Variants in CDKL2 observed in about 807,000 individuals in gnomAD.
CDKL2 encodes the protein cyclin dependent kinase like 2, also known as cyclin-dependent kinase-like 2.
A neutral mutation model predicts 63.9 loss-of-function variants in CDKL2; 64 were observed. The ratio of observed to expected loss-of-function variants is 1.00; its 90% CI spans 0.82 to 1.23. The LOEUF (loss-of-function observed/expected upper bound fraction) is 1.23. CDKL2 is among the 50% of genes most tolerant of loss of function. The probability of loss-of-function intolerance (pLI) is 0.00; values close to 1 mark genes in which losing one functional copy is unlikely to be tolerated. For missense variants in CDKL2, 656 were observed against 668.0 expected (o/e 0.98, Z 0.20); for synonymous variants, 211 against 229.2 (o/e 0.92, Z 0.72).
chr4:75,597,257 T>G, intron 8 of CDKL2, 21 bp from the exon 9 acceptor site: 1 of 1,432,976 alleles, frequency 7.0e-7, no homozygotes, highest in South Asian at 1.2e-5. Flanking sequence ...ACAAAAATAT[T>G]AATAAGGTTA....
In CDKL2 at chr4:75,597,236, C is replaced by A. The variant is rs750082504; in HGVS notation, c.1021G>T (p.Asp341Tyr). The change falls in exon 9 of 14, where the codon GAT (aspartate) becomes TAT (tyrosine). Residue 341 changes from aspartate to tyrosine, a missense_variant and splice_region_variant. Physicochemically the swap from Asp to Tyr is radical, Grantham distance 160 (BLOSUM62 -3). Coordinates refer to ENST00000307465, the MANE Select transcript of CDKL2 (RefSeq NM_001330724.2). ...VEERKTLVVQ[D>Y]TNADPKIKDY... ...TTAATTTTGGGATCAGCATTGGTATCCTGATCATTAACAAAAATATTAATA... is the reference window on the plus strand; with the variant it reads ...TTAATTTTGGGATCAGCATTGGTATACTGATCATTAACAAAAATATTAATA... 1.9e-6 allele frequency: 3 copies of A among 1,560,994 alleles called. No individual in the cohort carries two copies. The highest frequency in any genetic ancestry group is 2.6e-6 in the Non-Finnish European group (3 of 1,139,670).
chr4:75,624,069 T>A (rs969623477), intron 2 of CDKL2, among the ~76,000 whole-genome samples: 1 of 149,954 alleles, frequency 6.7e-6, no homozygotes, highest in African/African-American at 2.5e-5. Context: ...AGGCAGAGGT[T>A]GCAGTGAGCC....
In CDKL2 at chr4:75,605,247, G is replaced by T. The variant is rs146989385; in HGVS notation, c.655+275C>A. The stretch of plus-strand genomic sequence containing the variant: ...ACATGCCTGTAATCCCAGCTACTCG[G>T]GAGGCTGAGGCAGGAGAATCGCTTG... On this transcript the variant is annotated intron_variant, in intron 5 of 13. Coordinates refer to ENST00000307465, the MANE Select transcript of CDKL2 (RefSeq NM_001330724.2). Among the ~76,000 whole-genome samples the T allele has an allele frequency of 3.8e-3, 581 of 152,116 alleles. 4 individuals are homozygous for T. Among genetic ancestry groups the T allele is most frequent in the African/African-American group, 0.013 (544 of 41,470 alleles).
chr4:75,600,541 C>G (rs1344895519), intron 6 of CDKL2, among the ~76,000 whole-genome samples, 172 bp from the exon 7 acceptor site: 1 of 152,028 alleles, frequency 6.6e-6, no homozygotes, highest in East Asian at 1.9e-4. Context: ...TAACCGCAGC[C>G]TTGACCTCTC....
At chr4:75,598,356 C>A (rs1454371380) in intron 7 of CDKL2, 144 bp from the exon 8 acceptor site, 3 of 456,834 alleles carry the variant, frequency 6.6e-6, no homozygotes, top group African/African-American at 2.1e-5. Flanking sequence ...CCTAGATCAG[C>A]AGTTTGGAAA....
chr4:75,605,083 G>A (rs1234109853), intron 5 of CDKL2, among the ~76,000 whole-genome samples: 1 of 152,238 alleles, frequency 6.6e-6, no homozygotes, highest in African/African-American at 2.4e-5. Context: ...GCTGGGCGCG[G>A]TGGCTCACGC....
intron 6 of CDKL2, among the ~76,000 whole-genome samples, chr4:75,602,041 C>T (rs1275983851): frequency 6.6e-6 from 1 of 152,176 alleles, no homozygotes; most frequent in Non-Finnish European, 1.5e-5. Flanking sequence ...CTAACATCTT[C>T]CTTAATCAAA....
rs1196283884 is a variant in CDKL2, at chr4:75,607,322, A to G, written c.403T>C (p.Ser135Pro). 1 of 1,614,018 alleles carries G rather than the reference A, an allele frequency of 6.2e-7. No individual in the cohort carries two copies. The highest frequency in any genetic ancestry group is 1.7e-5 in the Admixed American group (1 of 60,026). ...RDIKPENILV[S>P]QSGVVKLCDF... Reference sequence around the variant, plus strand: ...CATAGCTTGACAACGCCAGACTGGGAGACTAATATATTCTCTGGCTTTATA... The same window carrying G: ...CATAGCTTGACAACGCCAGACTGGGGGACTAATATATTCTCTGGCTTTATA... Residue 135 changes from serine to proline, a missense_variant, in exon 4 of 14, where the codon TCC (serine) becomes CCC (proline). Physicochemically the swap from Ser to Pro is moderately conservative, Grantham distance 74 (BLOSUM62 -1). Coordinates refer to ENST00000307465, the MANE Select transcript of CDKL2 (RefSeq NM_001330724.2).
intron 2 of CDKL2, among the ~76,000 whole-genome samples, chr4:75,619,210 G>A (rs1020217997): frequency 6.6e-6 from 1 of 152,084 alleles, no homozygotes; most frequent in African/African-American, 2.4e-5. Flanking sequence ...ATTATGAAGG[G>A]TAGTTAATTA....
At chr4:75,601,341 ATT>A (rs1729183039) in intron 6 of CDKL2, among the ~76,000 whole-genome samples, 1 of 152,232 alleles carries the variant, frequency 6.6e-6, no homozygotes, top group South Asian at 2.1e-4. Context: ...ATTTTATTTT[ATT>A]TTATTGCAAA....
intron 2 of CDKL2, among the ~76,000 whole-genome samples, chr4:75,615,575 C>T (rs543067943): frequency 6.6e-6 from 1 of 152,258 alleles, no homozygotes; most frequent in East Asian, 1.9e-4. Context: ...ACAACATGAG[C>T]ATTGAATCCA....
chr4:75,617,730 T>A (rs1282200327), intron 2 of CDKL2, among the ~76,000 whole-genome samples: 1 of 152,160 alleles, frequency 6.6e-6, no homozygotes, highest in East Asian at 1.9e-4. Flanking sequence ...TAGCACCAGA[T>A]AATTTATCTT....
At position 75,625,409 on chromosome 4, in the gene CDKL2, G is replaced by T. The variant is rs528432030; in HGVS notation, c.168+412C>A. Among the ~76,000 whole-genome samples the T allele has an allele frequency of 9.9e-5, 15 of 152,000 alleles. No homozygotes were observed. In the South Asian group the frequency reaches 2.3e-3, roughly 23 times the overall value. ...ATATTGTTAACAATCAAAATTTCCA[G>T]GATACATACCAAGCTGTTCCTACAG... is the stretch of plus-strand genomic sequence containing the variant. On this transcript the variant is annotated intron_variant, in intron 2 of 13. Coordinates refer to ENST00000307465, the MANE Select transcript of CDKL2 (RefSeq NM_001330724.2).
At chr4:75,593,084 A>T (rs1222101830) in intron 10 of CDKL2, among the ~76,000 whole-genome samples, 4 of 152,130 alleles carry the variant, frequency 2.6e-5, no homozygotes, top group African/African-American at 9.7e-5. Flanking sequence ...ATATTCTGTG[A>T]ATTATGCCAT....
intron 3 of CDKL2, among the ~76,000 whole-genome samples, chr4:75,613,351 C>T (rs1016759852): frequency 6.6e-6 from 1 of 151,850 alleles, no homozygotes; most frequent in African/African-American, 2.4e-5. Context: ...TAATAATAAC[C>T]GAAAAGAAAT....
At position 75,576,759 on chromosome 4, in the gene CDKL2, T is replaced by C. The variant is rs1277006439; in HGVS notation, c.*2443A>G. ...AGTGTATTACAGGTCCAGCCTTATA[T>C]TGTAGCACAACTAAGATAAAGGAAC... On this transcript the variant is annotated 3_prime_UTR_variant, in exon 14 of 14. Transcript: ENST00000307465. Among the ~76,000 whole-genome samples the C allele has an allele frequency of 1.3e-5, 2 of 152,218 alleles. No homozygotes were observed. Among genetic ancestry groups the C allele is most frequent in the African/African-American group, 4.8e-5 (2 of 41,460 alleles).
At position 75,576,549 on chromosome 4, in the gene CDKL2, T is replaced by C. The variant is rs1179093448; in HGVS notation, c.*2653A>G. On this transcript the variant is annotated 3_prime_UTR_variant, in exon 14 of 14. Coordinates refer to ENST00000307465, the MANE Select transcript of CDKL2 (RefSeq NM_001330724.2). Reference sequence around the variant, plus strand: ...TAGAGGAGTGTTAAGCACCCTCTTCTAGTGCAAAAACACTTAATGCAAAAA... The same window carrying C: ...TAGAGGAGTGTTAAGCACCCTCTTCCAGTGCAAAAACACTTAATGCAAAAA... Among the ~76,000 whole-genome samples the C allele has an allele frequency of 6.6e-6, 1 of 152,244 alleles. No individual in the cohort carries two copies. Among genetic ancestry groups the C allele is most frequent in the Non-Finnish European group, 1.5e-5 (1 of 68,038 alleles).
intron 12 of CDKL2, among the ~76,000 whole-genome samples, chr4:75,586,140 A>G (rs1256269191): frequency 6.6e-6 from 1 of 152,172 alleles, no homozygotes. Flanking sequence ...AACCTCAAAT[A>G]CCTGGCTATT....
At chr4:75,580,764 G>A (rs559475637) in intron 13 of CDKL2, among the ~76,000 whole-genome samples, 9 of 144,430 alleles carry the variant, frequency 6.2e-5, no homozygotes, top group African/African-American at 1.5e-4. Flanking sequence ...GCAGTGGCGC[G>A]ATCTCGGCTC....
Sources: allele counts gnomAD v4.1 joint callset (sites outside exome capture counted in the v4.1 genomes callset), GRCh38; gene constraint gnomAD v4.1.1; transcripts MANE v1.5; gene names NCBI Gene and HGNC (gene_info 2026-07-23, HGNC 2026-07-21).